ALDH1A1: variants seen among roughly 807,000 people sequenced by gnomAD.
ALDH1A1 encodes aldehyde dehydrogenase 1A1.
In ALDH1A1, 19 loss-of-function variants were observed where a neutral mutation model predicts 62.1. That is an observed-to-expected ratio of 0.31 (90% CI 0.21 to 0.45). The LOEUF (loss-of-function observed/expected upper bound fraction) is 0.45, where lower values mean the gene tolerates loss of function less well. Among genes scored for constraint, ALDH1A1 ranks in the 20% least tolerant of loss-of-function variants. The probability of loss-of-function intolerance (pLI) is 1.00; values close to 1 mark genes in which losing one functional copy is unlikely to be tolerated. For synonymous variants in ALDH1A1, 231 were observed against 215.9 expected (o/e 1.07, Z -0.61); for missense variants, 521 against 607.1 (o/e 0.86, Z 1.49).
At chr9:72,943,618 C>G (rs556545021) in intron 1 of ALDH1A1, among the ~76,000 whole-genome samples, 1 of 152,254 alleles carries the variant, frequency 6.6e-6, no homozygotes, top group African/African-American at 2.4e-5. Context: ...ACACTGTGAG[C>G]CCAACTTGTG....
At chr9:72,940,071 C>A in intron 2 of ALDH1A1, 77 bp downstream of exon 2, 2 of 1,055,076 alleles carry the variant, frequency 1.9e-6, no homozygotes, top group Non-Finnish European at 2.9e-6. Context: ...TTGGAGCTTG[C>A]AATGGGGTTC....
chr9:72,931,756 A>T (rs910810863), intron 2 of ALDH1A1, among the ~76,000 whole-genome samples: 1 of 152,206 alleles, frequency 6.6e-6, no homozygotes, highest in African/African-American at 2.4e-5. Flanking sequence ...TGTGCATGTG[A>T]CAACCTCTCA....
chr9:72,914,735 G>GTA (rs35871415), intron 9 of ALDH1A1, among the ~76,000 whole-genome samples: 147,620 of 150,786 alleles, frequency 0.98, 72,286 homozygotes, highest in East Asian at 1. Context: ...AATATGCAAA[G>GTA]TATATATATA....
intron 5 of ALDH1A1, among the ~76,000 whole-genome samples, 155 bp from the exon 6 acceptor site, chr9:72,925,767 T>C (rs760776363): frequency 2.0e-5 from 3 of 152,182 alleles, no homozygotes; most frequent in Non-Finnish European, 2.9e-5. Flanking sequence ...TAAAAGCAAC[T>C]AGTAAATGCT....
chr9:72,929,582 G>A (rs1830254497), intron 3 of ALDH1A1, among the ~76,000 whole-genome samples: 1 of 152,138 alleles, frequency 6.6e-6, no homozygotes, highest in African/African-American at 2.4e-5. Context: ...TGTCATAATT[G>A]CCGTTTTAAT....
chr9:72,944,902 T>C (rs647880), intron 1 of ALDH1A1, among the ~76,000 whole-genome samples: 46,434 of 151,968 alleles, frequency 0.31, 7,267 homozygotes, highest in East Asian at 0.51. Flanking sequence ...CTCTTGGACT[T>C]CAAGTACTTT....
At chr9:72,950,089 AT>A (rs1412681238) in intron 1 of ALDH1A1, among the ~76,000 whole-genome samples, 16 of 151,814 alleles carry the variant, frequency 1.1e-4, no homozygotes, top group Admixed American at 1.1e-3. Flanking sequence ...GTAAAAGGGA[AT>A]ATTCTGGAAA....
intron 2 of ALDH1A1, among the ~76,000 whole-genome samples, chr9:72,939,021 G>T (rs1195398161): frequency 1.3e-5 from 2 of 152,140 alleles, no homozygotes; most frequent in South Asian, 2.1e-4. Flanking sequence ...GGGATTACAG[G>T]TGAGAGCCAC....
chr9:72,912,081 C>G lies in ALDH1A1; in HGVS notation c.1077G>C (p.Glu359Asp). Residue 359 changes from glutamate to aspartate, a missense_variant, in exon 10 of 13, where the codon GAG becomes GAC. Glu to Asp is a conservative substitution (Grantham distance 45, BLOSUM62 2). Coordinates refer to ENST00000297785, the MANE Select transcript of ALDH1A1 (RefSeq NM_000689.5). ...GTTTGGCCCCTTCTTTCTTCCCACT[C>G]TCAATGAGGTCAAGTATTTTATCAT... Reference protein sequence around the residue: ...EQYDKILDLIESGKKEGAKLE... With the variant: ...EQYDKILDLIDSGKKEGAKLE... 6.2e-7 allele frequency: 1 copy of G among 1,613,794 alleles called. No individual in the cohort carries two copies. The highest frequency in any genetic ancestry group is 8.5e-7 in the Non-Finnish European group (1 of 1,179,764).
At chr9:72,922,024 G>A (rs1830152473) in intron 7 of ALDH1A1, among the ~76,000 whole-genome samples, 1 of 152,068 alleles carries the variant, frequency 6.6e-6, no homozygotes, top group South Asian at 2.1e-4. Context: ...GGAATAATCA[G>A]GAAGAGATGG....
rs907004264 is a variant in ALDH1A1 at position 72,901,197 on chromosome 9, T to C, written c.*11A>G. The C allele has an allele frequency of 1.3e-6, 2 of 1,586,070 alleles. No individual in the cohort carries two copies. The highest frequency in any genetic ancestry group is 1.7e-6 in the Non-Finnish European group (2 of 1,156,324). ...GCTATTGAAGAGCTTCTCTCCACTC[T>C]TGTATTTTCTTTATGAGTTCTTCTG... is the stretch of plus-strand genomic sequence containing the variant. On this transcript the variant is annotated 3_prime_UTR_variant, in exon 13 of 13. Coordinates refer to ENST00000297785, the MANE Select transcript of ALDH1A1 (RefSeq NM_000689.5).
intron 3 of ALDH1A1, among the ~76,000 whole-genome samples, chr9:72,929,702 A>G (rs1830255775): frequency 6.6e-6 from 1 of 152,220 alleles, no homozygotes. Context: ...TTTGAGATCT[A>G]ATATTCTGCT....
At chr9:72,927,030 C>T (rs1401255206) in intron 5 of ALDH1A1, 86 bp downstream of exon 5, 3 of 943,100 alleles carry the variant, frequency 3.2e-6, no homozygotes, top group Non-Finnish European at 4.8e-6. Context: ...ACATAAGCAT[C>T]CATCTGTTTT....
chr9:72,908,611 GAA>G (rs1025455284), intron 11 of ALDH1A1, among the ~76,000 whole-genome samples: 52 of 122,616 alleles, frequency 4.2e-4, no homozygotes, highest in Admixed American at 4.2e-3. Flanking sequence ...AAGAAAGAAA[GAA>G]AGAAAGAAAG....
At chr9:72,924,610 A>G (rs1036526240) in intron 6 of ALDH1A1, among the ~76,000 whole-genome samples, 1 of 152,202 alleles carries the variant, frequency 6.6e-6, no homozygotes, top group Admixed American at 6.5e-5. Flanking sequence ...TAAATTGTTA[A>G]GTAAATACTG....
intron 1 of ALDH1A1, among the ~76,000 whole-genome samples, chr9:72,950,092 T>A (rs1474161315): frequency 1.1e-4 from 16 of 151,782 alleles, no homozygotes; most frequent in Admixed American, 1.1e-3. Flanking sequence ...AAAGGGAATA[T>A]TCTGGAAAAA....
chr9:72,931,086 A>G, intron 2 of ALDH1A1, 67 bp from the exon 3 acceptor site: 2 of 1,585,084 alleles, frequency 1.3e-6, no homozygotes, highest in Non-Finnish European at 1.7e-6. Context: ...AATGCCAATA[A>G]CCCTGTAAAA....
intron 11 of ALDH1A1, 56 bp downstream of exon 11, chr9:72,909,546 G>C: frequency 6.8e-7 from 1 of 1,474,916 alleles, no homozygotes; most frequent in Non-Finnish European, 9.1e-7. Context: ...GTTCAAGGTA[G>C]TAATCTGTTA....
intron 7 of ALDH1A1, among the ~76,000 whole-genome samples, chr9:72,923,405 G>C (rs1830165948): frequency 6.6e-6 from 1 of 152,122 alleles, no homozygotes; most frequent in African/African-American, 2.4e-5. Flanking sequence ...CTTTTGCTTA[G>C]GATAGAACAT....
Sources: allele counts gnomAD v4.1 joint callset (sites outside exome capture counted in the v4.1 genomes callset), GRCh38; gene constraint gnomAD v4.1.1; transcripts MANE v1.5; gene names NCBI Gene and HGNC (gene_info 2026-07-23, HGNC 2026-07-21).